Variants in CNTN5 observed in about 807,000 individuals in gnomAD.
CNTN5 encodes the protein contactin-5.
A neutral mutation model predicts 129.1 loss-of-function variants in CNTN5; 77 were observed. That is an observed-to-expected ratio of 0.60 (90% CI 0.50 to 0.72). The LOEUF is 0.72. CNTN5 is among the 30% of genes least tolerant of loss of function. The pLI, the probability that CNTN5 is intolerant of heterozygous loss-of-function variation, is 0.00. For synonymous variants in CNTN5, 509 were observed against 465.6 expected (o/e 1.09, Z -1.20); for missense variants, 1,478 against 1,328.8 (o/e 1.11, Z -1.75).
At chr11:100,134,242 T>C (rs983760271) in intron 13 of CNTN5, among the ~76,000 whole-genome samples, 37 of 152,114 alleles carry the variant, frequency 2.4e-4, no homozygotes, top group African/African-American at 8.9e-4. Flanking sequence ...TTTACAAAAA[T>C]AAATGAAATA....
intron 1 of CNTN5, among the ~76,000 whole-genome samples, chr11:99,046,591 C>A (rs1328047287): frequency 6.6e-6 from 1 of 152,062 alleles, no homozygotes; most frequent in Non-Finnish European, 1.5e-5. Flanking sequence ...GAGTCATTTT[C>A]TCAGCACTCT....
intron 2 of CNTN5, among the ~76,000 whole-genome samples, chr11:99,407,252 G>A (rs1942116249): frequency 6.6e-6 from 1 of 152,108 alleles, no homozygotes; most frequent in Non-Finnish European, 1.5e-5. Flanking sequence ...GGGCCCAAGG[G>A]CTCTTCAGTT....
chr11:99,799,143 C>G (rs555021672), intron 3 of CNTN5, among the ~76,000 whole-genome samples: 7 of 151,794 alleles, frequency 4.6e-5, no homozygotes, highest in Non-Finnish European at 8.8e-5. Flanking sequence ...GGTCATTTAT[C>G]AGTTCCTGAA....
At chr11:99,658,881 T>C (rs1952486983) in intron 3 of CNTN5, among the ~76,000 whole-genome samples, 1 of 95,084 alleles carries the variant, frequency 1.1e-5, no homozygotes, top group African/African-American at 3.7e-5. Context: ...GGAGTGAAAC[T>C]CTGTCTCAAA....
At chr11:99,432,486 TTTTCTTTTC>T (rs1368624727) in intron 2 of CNTN5, among the ~76,000 whole-genome samples, 4 of 139,864 alleles carry the variant, frequency 2.9e-5, no homozygotes, top group Non-Finnish European at 4.7e-5. Flanking sequence ...TTTTCTTTTC[TTTTCTTTTC>T]TTTCTTTTCT....
chr11:99,350,519 A>G (rs1938223365), intron 2 of CNTN5, among the ~76,000 whole-genome samples: 1 of 152,196 alleles, frequency 6.6e-6, no homozygotes, highest in Non-Finnish European at 1.5e-5. Context: ...ATAACCAAAG[A>G]AAGTTTATTC....
intron 18 of CNTN5, among the ~76,000 whole-genome samples, chr11:100,280,702 A>G (rs1384174604): frequency 6.6e-6 from 1 of 152,014 alleles, no homozygotes; most frequent in Non-Finnish European, 1.5e-5. Context: ...ATAAGTAAGG[A>G]CTTACTCCTG....
intron 16 of CNTN5, among the ~76,000 whole-genome samples, chr11:100,239,218 T>A (rs1430801743): frequency 1.3e-5 from 2 of 152,208 alleles, no homozygotes; most frequent in Non-Finnish European, 2.9e-5. Flanking sequence ...GGACTTTTCA[T>A]GTGTGAAGTA....
At chr11:99,722,538 T>C (rs948512938) in intron 3 of CNTN5, among the ~76,000 whole-genome samples, 1 of 152,050 alleles carries the variant, frequency 6.6e-6, no homozygotes, top group Non-Finnish European at 1.5e-5. Flanking sequence ...CTGTGCTTAA[T>C]ACCTGGGTAA....
intron 1 of CNTN5, among the ~76,000 whole-genome samples, chr11:99,248,781 G>A (rs56825699): frequency 0.016 from 2,484 of 152,130 alleles, 78 homozygotes; most frequent in African/African-American, 0.057. Context: ...TTGTAGATAT[G>A]CGGCATTATT....
intron 18 of CNTN5, among the ~76,000 whole-genome samples, chr11:100,273,672 T>C (rs1318863968): frequency 6.6e-6 from 1 of 152,050 alleles, no homozygotes; most frequent in Non-Finnish European, 1.5e-5. Flanking sequence ...CCACCATCGC[T>C]CCAGGCCCAA....
chr11:99,565,793 T>C (rs896320002), intron 3 of CNTN5, among the ~76,000 whole-genome samples: 2 of 152,188 alleles, frequency 1.3e-5, no homozygotes, highest in African/African-American at 4.8e-5. Context: ...AGTAAATTTG[T>C]ATGCCTTTTC....
At chr11:100,056,692 G>T (rs957341483) in intron 9 of CNTN5, among the ~76,000 whole-genome samples, 1 of 151,676 alleles carries the variant, frequency 6.6e-6, no homozygotes, top group African/African-American at 2.4e-5. Flanking sequence ...ATCTCAGTCT[G>T]ACAGATCAGT....
chr11:99,199,863 A>T (rs778466480), intron 1 of CNTN5, among the ~76,000 whole-genome samples: 18 of 152,220 alleles, frequency 1.2e-4, no homozygotes, highest in Non-Finnish European at 2.4e-4. Flanking sequence ...AGTCTTCCAC[A>T]TTCTACTTTA....
At chr11:100,190,731 T>C (rs1210374234) in intron 13 of CNTN5, among the ~76,000 whole-genome samples, 1 of 56,800 alleles carries the variant, frequency 1.8e-5, no homozygotes, top group African/African-American at 1.1e-4. Context: ...TTTATGCTGT[T>C]TTTTTTTTTT....
chr11:99,223,674 A>T (rs920181059), intron 1 of CNTN5, among the ~76,000 whole-genome samples: 4 of 152,186 alleles, frequency 2.6e-5, no homozygotes, highest in African/African-American at 9.6e-5. Flanking sequence ...ATTACATAGA[A>T]GTCCCCATTA....
At chr11:99,718,633 G>T (rs1943064115) in intron 3 of CNTN5, among the ~76,000 whole-genome samples, 1 of 152,112 alleles carries the variant, frequency 6.6e-6, no homozygotes, top group African/African-American at 2.4e-5. Context: ...AAATTGGTCA[G>T]AAACTTGAGA....
intron 6 of CNTN5, among the ~76,000 whole-genome samples, chr11:99,889,792 C>T (rs973647026): frequency 3.3e-5 from 5 of 152,236 alleles, no homozygotes; most frequent in Admixed American, 3.3e-4. Flanking sequence ...GGTGATCTGC[C>T]TGCCTTGGTC....
intron 2 of CNTN5, among the ~76,000 whole-genome samples, chr11:99,359,615 A>G (rs868671692): frequency 5.7e-5 from 8 of 139,982 alleles, no homozygotes; most frequent in Middle Eastern, 3.6e-3. Flanking sequence ...ATATGAATAA[A>G]TATATTTATT....
Sources: allele counts gnomAD v4.1 joint callset (sites outside exome capture counted in the v4.1 genomes callset), GRCh38; gene constraint gnomAD v4.1.1; transcripts MANE v1.5; gene names NCBI Gene and HGNC (gene_info 2026-07-23, HGNC 2026-07-21).